The following AEBP1 variants were observed in gnomAD, a reference collection of about 807,000 sequenced individuals.
AEBP1 encodes adipocyte enhancer-binding protein 1.
In AEBP1, 69 loss-of-function variants were observed where a neutral mutation model predicts 116.5. The ratio of observed to expected loss-of-function variants is 0.59; its 90% CI spans 0.49 to 0.72. The LOEUF (loss-of-function observed/expected upper bound fraction) is 0.72, where lower values mean the gene tolerates loss of function less well. AEBP1 is among the 30% of genes least tolerant of loss of function. The probability of loss-of-function intolerance (pLI) is 0.00; values close to 1 mark genes in which losing one functional copy is unlikely to be tolerated. For missense variants in AEBP1, 1,444 were observed against 1,557.5 expected (o/e 0.93, Z 1.23); for synonymous variants, 627 against 627.3 (o/e 1.00, Z 0.01).
Position 44,106,548 on chromosome 7 carries a change from C to A in AEBP1, c.256C>A (p.Pro86Thr), listed in dbSNP as rs1213397279. 6 of 1,591,810 alleles carry A rather than the reference C, an allele frequency of 3.8e-6. No individual in the cohort carries two copies. The highest frequency in any genetic ancestry group is 5.1e-6 in the Non-Finnish European group (6 of 1,172,084). Residue 86 changes from proline to threonine, a missense_variant and splice_region_variant, in exon 2 of 21, where the codon CCT becomes ACT. Coordinates refer to ENST00000223357, the MANE Select transcript of AEBP1 (RefSeq NM_001129.5). Reference sequence around the variant, plus strand: ...ACACGAGTCTGCATCTTGGACAGTGCCTCCGGAAAAGACCAAAGACAAAGG... The same window carrying A: ...ACACGAGTCTGCATCTTGGACAGTGACTCCGGAAAAGACCAAAGACAAAGG... ...GKRPGTAAEVPPEKTKDKGKK... is the reference protein window; with the variant it reads ...GKRPGTAAEVTPEKTKDKGKK...
rs1245748247 is a variant in AEBP1 at position 44,112,692 on chromosome 7, G to C, written c.2352G>C (p.Leu784=). 6.2e-7 allele frequency: 1 copy of C among 1,613,150 alleles called. No individual in the cohort carries two copies. Among genetic ancestry groups the C allele is most frequent in the Non-Finnish European group, 8.5e-7 (1 of 1,179,992 alleles). ...CCCGCACGCCTACCCAGGAGCAGCT[G>C]CTGGCCGCAGCCATGGCAGCAGCCC... ...DMARTPTQEQ[L]LAAAMAAARG... The change falls in exon 18 of 21, where the codon CTG becomes CTC. Residue 784 remains leucine (L), a synonymous_variant. Transcript: ENST00000223357. The surrounding 1 kb of genome is among the most constrained non-coding windows in gnomAD (Gnocchi z 6.6).
rs1460276563 is a variant in AEBP1 at position 44,110,002 on chromosome 7, T to C, written c.1151-13T>C. The C allele has an allele frequency of 6.2e-7, 1 of 1,605,556 alleles. No homozygotes were observed. Among genetic ancestry groups the C allele is most frequent in the Non-Finnish European group, 8.5e-7 (1 of 1,173,896 alleles). On this transcript the variant is annotated splice_polypyrimidine_tract_variant and intron_variant, in intron 9 of 20. Transcript: ENST00000223357. The stretch of plus-strand genomic sequence containing the variant: ...GAGCTAGTGAGCCACCATTCTGGGG[T>C]ACGCGTCCTCAGAGTGTCCCCCCAT...
rs2096229102 is a variant in AEBP1 at position 44,111,283 on chromosome 7, G to A, written c.1716+44G>A. The stretch of plus-strand genomic sequence containing the variant: ...GGGGCTGGGGGTGGGACCTGTCTGT[G>A]GCTGACGGGAGTGTGTGCCTGGTGC... On this transcript the variant is annotated intron_variant, in intron 14 of 20. Coordinates refer to ENST00000223357, the MANE Select transcript of AEBP1 (RefSeq NM_001129.5). This position sits in a 1 kb window ranked among gnomAD's most constrained non-coding sequence, Gnocchi z 4.7. 1.3e-6 allele frequency: 2 copies of A among 1,487,696 alleles called. No homozygotes were observed. The highest frequency in any genetic ancestry group is 2.3e-5 in the East Asian group (1 of 42,688). The allele number at this position is 1,487,696 out of a possible 1,614,324, so 92.2% of individuals were successfully genotyped here.
At position 44,113,981 on chromosome 7, in the gene AEBP1, A is replaced by G. The variant is rs201065802; in HGVS notation, c.3197A>G (p.Glu1066Gly). Residue 1066 changes from glutamate to glycine, a missense_variant, in exon 21 of 21, where the codon GAG (glutamate) becomes GGG (glycine). By Grantham distance (98) the Glu-to-Gly change is moderately conservative (BLOSUM62 -2). Coordinates refer to ENST00000223357, the MANE Select transcript of AEBP1 (RefSeq NM_001129.5). This position sits in a 1 kb window ranked among gnomAD's most constrained non-coding sequence, Gnocchi z 5.3. ...APATTLSTTI[E>G]PWGLIPPTTA... The stretch of plus-strand genomic sequence containing the variant: ...GCCACCACCCTGAGCACTACCATAG[A>G]GCCCTGGGGCCTCATACCGCCAACC... 1.3e-5 allele frequency: 21 copies of G among 1,613,820 alleles called. No individual in the cohort carries two copies. The Admixed American group carries it at 2.5e-4, about 19-fold the overall frequency.
chr7:44,107,376 AG>A lies in AEBP1; in HGVS notation c.596-61del. ...GGCTCTATGGGTGGCTGGTGGCCTG[AG>A]GCTCCCAAGGTGGTCAGAGCAGGCC... On this transcript the variant is annotated intron_variant, in intron 2 of 20. Transcript: ENST00000223357. This position sits in a 1 kb window ranked among gnomAD's most constrained non-coding sequence, Gnocchi z 4.3. 6.5e-7 allele frequency: 1 copy of A among 1,541,008 alleles called. No homozygotes were observed. The highest frequency in any genetic ancestry group is 1.4e-5 in the African/African-American group (1 of 73,412).
chr7:44,112,724 A>G lies in AEBP1; in HGVS notation c.2384A>G (p.Glu795Gly). Residue 795 changes from glutamate to glycine, a missense_variant, in exon 18 of 21, where the codon GAG becomes GGG. Physicochemically the swap from Glu to Gly is moderately conservative, Grantham distance 98. Transcript: ENST00000223357. This position sits in a 1 kb window ranked among gnomAD's most constrained non-coding sequence, Gnocchi z 6.6. ...GCAGCCATGGCAGCAGCCCGGGGGG[A>G]GGATGAGGACGAGGTCTCCGAGGCC... Reference protein sequence around the residue: ...LAAAMAAARGEDEDEVSEAQE... With the variant: ...LAAAMAAARGGDEDEVSEAQE... 1.1e-5 allele frequency: 18 copies of G among 1,612,654 alleles called. No homozygotes were observed. The highest frequency in any genetic ancestry group is 1.5e-5 in the Non-Finnish European group (18 of 1,179,858).
Position 44,104,670 on chromosome 7 carries a change from C to T in AEBP1, c.5C>T (p.Ala2Val). The part of the protein sequence containing the change: M[A>V]AVRGAPLLSC... ...CCCCCCGCGCGTGCCGCGGCCATGG[C>T]GGCCGTGCGCGGGGCGCCCCTGCTC... Residue 2 changes from alanine (A) to valine (V), a missense_variant, in exon 1 of 21, where the codon GCG (alanine) becomes GTG (valine). Ala to Val is a moderately conservative substitution (Grantham distance 64). Coordinates refer to ENST00000223357, the MANE Select transcript of AEBP1 (RefSeq NM_001129.5). 2 of 1,501,862 alleles carry T rather than the reference C, an allele frequency of 1.3e-6. No homozygotes were observed. The highest frequency in any genetic ancestry group is 1.8e-6 in the Non-Finnish European group (2 of 1,129,624). 93.0% of individuals were successfully genotyped at this position (1,501,862 alleles called of 1,614,324 possible).
chr7:44,106,656 G>A lies in AEBP1; in HGVS notation c.364G>A (p.Glu122Lys). The A allele has an allele frequency of 6.2e-7, 1 of 1,612,970 alleles. No homozygotes were observed. Among genetic ancestry groups the A allele is most frequent in the Non-Finnish European group, 8.5e-7 (1 of 1,179,728 alleles). Residue 122 changes from glutamate to lysine, a missense_variant, in exon 2 of 21, where the codon GAG (glutamate) becomes AAG (lysine). Coordinates refer to ENST00000223357, the MANE Select transcript of AEBP1 (RefSeq NM_001129.5). ...GSPRPPKKGK[E>K]KPPKATKKPK... ...CCCCAGGCCGCCCAAGAAGGGGAAG[G>A]AGAAGCCACCCAAGGCCACCAAGAA...
chr7:44,111,306 T>A lies in AEBP1; in HGVS notation c.1716+67T>A, dbSNP rs572727648. The A allele has an allele frequency of 1.4e-6, 2 of 1,450,754 alleles. No individual in the cohort carries two copies. Among genetic ancestry groups the A allele is most frequent in the East Asian group, 4.8e-5 (2 of 41,260 alleles). 89.9% of individuals were successfully genotyped at this position (1,450,754 alleles called of 1,614,324 possible). ...GTGGCTGACGGGAGTGTGTGCCTGG[T>A]GCTTCTGTCACTGGGCCCAGTCCCT... is the stretch of plus-strand genomic sequence containing the variant. On this transcript the variant is annotated intron_variant, in intron 14 of 20. Coordinates refer to ENST00000223357, the MANE Select transcript of AEBP1 (RefSeq NM_001129.5). This position sits in a 1 kb window ranked among gnomAD's most constrained non-coding sequence, Gnocchi z 4.7.
In AEBP1 at chr7:44,108,125, G is replaced by A. The variant is rs2096225091; in HGVS notation, c.940+41G>A. Reference sequence around the variant, plus strand: ...CCCAGAGTCTGAGGGACATAGGCAGGTGGGGGTCGGGGCTGGGGTGTGGTC... The same window carrying A: ...CCCAGAGTCTGAGGGACATAGGCAGATGGGGGTCGGGGCTGGGGTGTGGTC... On this transcript the variant is annotated intron_variant, in intron 6 of 20. Coordinates refer to ENST00000223357, the MANE Select transcript of AEBP1 (RefSeq NM_001129.5). This position sits in a 1 kb window ranked among gnomAD's most constrained non-coding sequence, Gnocchi z 5.0. 3.2e-6 allele frequency: 5 copies of A among 1,554,240 alleles called. No individual in the cohort carries two copies. Among genetic ancestry groups the A allele is most frequent in the East Asian group, 2.4e-5 (1 of 41,542 alleles).
Position 44,108,948 on chromosome 7 carries a change from CCAGA to C in AEBP1, c.996_999del (p.Asp333LysfsTer6), listed in dbSNP as rs1216272084. 6.2e-6 allele frequency: 10 copies of C among 1,602,426 alleles called. No individual in the cohort carries two copies. Among genetic ancestry groups the C allele is most frequent in the Non-Finnish European group, 8.5e-6 (10 of 1,175,382 alleles). On this transcript the variant is annotated frameshift_variant, in exon 7 of 21. Coordinates refer to ENST00000223357, the MANE Select transcript of AEBP1 (RefSeq NM_001129.5). LOFTEE classifies it high-confidence loss of function. The surrounding 1 kb of genome is among the most constrained non-coding windows in gnomAD (Gnocchi z 5.0). ...CGCCCCAGAAGCCCGATGCTGAGCG[CCAGA>C]CAGACGAAGAGAAGGAGGAGCTGAG... is the stretch of plus-strand genomic sequence containing the variant.
In AEBP1 at chr7:44,112,255, G is replaced by A. The variant is rs1281770468; in HGVS notation, c.2151G>A (p.Trp717Ter). 2 of 1,602,868 alleles carry A rather than the reference G, an allele frequency of 1.2e-6. No homozygotes were observed. The highest frequency in any genetic ancestry group is 1.7e-5 in the Admixed American group (1 of 58,890). Residue 717 changes from tryptophan (W) to a stop codon, truncating the protein, a stop_gained, in exon 17 of 21, where the codon TGG (tryptophan) becomes TGA (stop). Coordinates refer to ENST00000223357, the MANE Select transcript of AEBP1 (RefSeq NM_001129.5). LOFTEE classifies it high-confidence loss of function. This position sits in a 1 kb window ranked among gnomAD's most constrained non-coding sequence, Gnocchi z 6.6. ...TCTGGGGAGCTGAGGAGAGGAAATG[G>A]GTCCCCTACCGGGTCCCCAACAATA... ...SVLWGAEERK[W>*]VPYRVPNNNL...
rs755853394 is a variant in AEBP1, at chr7:44,111,672, T to A, written c.1840+42T>A. 1.2e-6 allele frequency: 2 copies of A among 1,607,236 alleles called. No homozygotes were observed. The highest frequency in any genetic ancestry group is 1.7e-6 in the Non-Finnish European group (2 of 1,177,704). On this transcript the variant is annotated intron_variant, in intron 15 of 20. Transcript: ENST00000223357. The surrounding 1 kb of genome is among the most constrained non-coding windows in gnomAD (Gnocchi z 4.7). ...GCCAGCAGCTGGCCTCTGCTGCTGA[T>A]GTGCAGAGCTCACTGCCTCCCGCCT...
Position 44,107,921 on chromosome 7 carries a change from G to A in AEBP1, c.852G>A (p.Glu284=), listed in dbSNP as rs374676651. ...PEEKAPAPAP[E]ERIEPPVKPL... ...AGAAGGCCCCGGCCCCAGCCCCGGAGGAGAGGATTGGTAGGATGGGGGGCA... is the reference window on the plus strand; with the variant it reads ...AGAAGGCCCCGGCCCCAGCCCCGGAAGAGAGGATTGGTAGGATGGGGGGCA... The change falls in exon 5 of 21, where the codon GAG becomes GAA. Residue 284 remains glutamate (E), a synonymous_variant. Transcript: ENST00000223357. The surrounding 1 kb of genome is among the most constrained non-coding windows in gnomAD (Gnocchi z 4.3). 1.4e-5 allele frequency: 22 copies of A among 1,587,918 alleles called. No individual in the cohort carries two copies. The highest frequency in any genetic ancestry group is 1.9e-5 in the Non-Finnish European group (22 of 1,168,150).
intron 7 of AEBP1, 62 bp from the exon 8 acceptor site, chr7:44,109,045 C>T (rs2096226030): frequency 4.3e-6 from 7 of 1,610,776 alleles, no homozygotes; most frequent in Middle Eastern, 1.7e-4. Flanking sequence ...CCTGATCCAC[C>T]CCACATGGTC....
chr7:44,111,642 T>C lies in AEBP1; in HGVS notation c.1840+12T>C. On this transcript the variant is annotated intron_variant, in intron 15 of 20. Coordinates refer to ENST00000223357, the MANE Select transcript of AEBP1 (RefSeq NM_001129.5). The surrounding 1 kb of genome is among the most constrained non-coding windows in gnomAD (Gnocchi z 4.7). ...GGAGCATGAACTGGGTGAGGGTCTGTGGGGGCCAGCAGCTGGCCTCTGCTG... is the reference window on the plus strand; with the variant it reads ...GGAGCATGAACTGGGTGAGGGTCTGCGGGGGCCAGCAGCTGGCCTCTGCTG... 6.2e-7 allele frequency: 1 copy of C among 1,610,714 alleles called. No homozygotes were observed. The highest frequency in any genetic ancestry group is 8.5e-7 in the Non-Finnish European group (1 of 1,179,076).
Position 44,113,655 on chromosome 7 carries a change from G to T in AEBP1, c.2871G>T (p.Ala957=), listed in dbSNP as rs1384348651. 6.2e-7 allele frequency: 1 copy of T among 1,613,852 alleles called. No individual in the cohort carries two copies. The highest frequency in any genetic ancestry group is 1.1e-5 in the South Asian group (1 of 91,092). ...GTGAGTACCGCGTGACAGCCCACGC[G>T]GAGGGCTACACCCCGAGCGCCAAGA... ...NPGEYRVTAH[A]EGYTPSAKTC... is the part of the protein sequence containing the mutation. The change falls in exon 21 of 21, where the codon GCG becomes GCT. Residue 957 remains alanine, a synonymous_variant. Coordinates refer to ENST00000223357, the MANE Select transcript of AEBP1 (RefSeq NM_001129.5). The surrounding 1 kb of genome is among the most constrained non-coding windows in gnomAD (Gnocchi z 5.3).
intron 9 of AEBP1, 25 bp from the exon 10 acceptor site, chr7:44,109,990 A>G (rs1164456130): frequency 1.3e-6 from 2 of 1,599,154 alleles, no homozygotes; most frequent in Admixed American, 1.7e-5. Flanking sequence ...CTAGTGAGCC[A>G]CCATTCTGGG....
rs1451981425 is a variant in AEBP1 at position 44,112,906 on chromosome 7, G to A, written c.2566G>A (p.Gly856Arg). ...VNGAKWNPRTGTINDFSYLHT... is the reference protein window; with the variant it reads ...VNGAKWNPRTRTINDFSYLHT... ...CGGGGCCAAGTGGAACCCCCGGACC[G>A]GGAGTGAGTCAGCCTGGGAGGGGCT... The change falls in exon 18 of 21, where the codon GGG becomes AGG. Residue 856 changes from glycine to arginine, a missense_variant. Physicochemically the swap from Gly to Arg is moderately radical, Grantham distance 125. Coordinates refer to ENST00000223357, the MANE Select transcript of AEBP1 (RefSeq NM_001129.5). This position sits in a 1 kb window ranked among gnomAD's most constrained non-coding sequence, Gnocchi z 6.6. 3 of 1,610,100 alleles carry A rather than the reference G, an allele frequency of 1.9e-6. No individual in the cohort carries two copies. Among genetic ancestry groups the A allele is most frequent in the African/African-American group, 2.7e-5 (2 of 74,856 alleles).
Sources: allele counts gnomAD v4.1 joint callset, GRCh38; gene constraint gnomAD v4.1.1; non-coding constraint Gnocchi (gnomAD v3.1); transcripts MANE v1.5; gene names NCBI Gene and HGNC (gene_info 2026-07-23, HGNC 2026-07-21).